Variants in BIN1 observed in about 807,000 individuals in gnomAD.
BIN1 encodes the protein myc box-dependent-interacting protein 1.
BIN1 carries 53 observed loss-of-function variants against 82.0 expected under a neutral mutation model. The observed-to-expected ratio is 0.65, with a 90% CI of 0.52 to 0.81. The LOEUF (loss-of-function observed/expected upper bound fraction) is 0.81, where lower values mean the gene tolerates loss of function less well. Ranked by LOEUF, BIN1 falls within the 40% of genes least tolerant of loss-of-function variation. The probability of loss-of-function intolerance (pLI) is 0.00; values close to 1 mark genes in which losing one functional copy is unlikely to be tolerated. For missense variants in BIN1, 642 were observed against 784.4 expected, an observed-to-expected ratio of 0.82 and a Z score of 2.17; for synonymous variants, 302 against 328.0, an observed-to-expected ratio of 0.92 and a Z score of 0.86.
At chr2:127,063,685 C>T (rs1684794665) in intron 8 of BIN1, 39 bp from the exon 9 acceptor site, 4 of 1,598,000 alleles carry the variant, frequency 2.5e-6, no homozygotes, top group African/African-American at 2.7e-5. Flanking sequence ...GGTGAACAGG[C>T]AGGTCAGGAC....
rs543319192 is a variant in BIN1 at position 127,068,726 on chromosome 2, G to A, written c.519+198C>T. On this transcript the variant is annotated intron_variant, in intron 6 of 18. Transcript: ENST00000316724. This position sits in a 1 kb window ranked among gnomAD's most constrained non-coding sequence, Gnocchi z 4.9. ...CTGAGGGGCCAGGGTGGCACGGGGG[G>A]CAGGAATGGGCCTAGGGTGGACCTC... 9.3e-4 allele frequency among the ~76,000 whole-genome samples: 141 copies of A among 152,306 alleles called. No individual in the cohort carries two copies. Among genetic ancestry groups the A allele is most frequent in the African/African-American group, 3.2e-3 (133 of 41,572 alleles).
chr2:127,101,529 T>A (rs959596616), intron 1 of BIN1, among the ~76,000 whole-genome samples: 3 of 152,090 alleles, frequency 2.0e-5, no homozygotes, highest in Non-Finnish European at 4.4e-5. Flanking sequence ...TTCTTCACCA[T>A]CTCCCCTGGT....
intron 7 of BIN1, 104 bp from the exon 8 acceptor site, chr2:127,064,122 G>A: frequency 7.4e-7 from 1 of 1,353,568 alleles, no homozygotes; most frequent in South Asian, 1.2e-5. Flanking sequence ...CCAGTGCGCT[G>A]GGACCAGGGC....
At chr2:127,063,149 G>C (rs752793329) in intron 9 of BIN1, among the ~76,000 whole-genome samples, 1 of 152,246 alleles carries the variant, frequency 6.6e-6, no homozygotes. Context: ...GATTCACGCA[G>C]ACGAAACAGG....
chr2:127,070,909 G>C, intron 2 of BIN1, 93 bp from the exon 3 acceptor site: 2 of 1,315,592 alleles, frequency 1.5e-6, no homozygotes, highest in Admixed American at 2.1e-5. Flanking sequence ...GAATGAACCA[G>C]GCTGCTCTCC....
intron 10 of BIN1, chr2:127,060,710 C>T (rs1684336754): frequency 6.3e-7 from 1 of 1,590,866 alleles, no homozygotes; most frequent in African/African-American, 1.3e-5. Context: ...GGCCTGTCCC[C>T]TTCCCTCTTT....
At chr2:127,099,758 C>A (rs184188779) in intron 1 of BIN1, among the ~76,000 whole-genome samples, 2 of 150,814 alleles carry the variant, frequency 1.3e-5, no homozygotes, top group African/African-American at 4.9e-5. Context: ...GTGATCCGCC[C>A]GCCTCGGCCT....
rs1249326519 is a variant in BIN1 at position 127,090,493 on chromosome 2, G to A, written c.85-13787C>T. On this transcript the variant is annotated intron_variant, in intron 1 of 18. Transcript: ENST00000316724. This position sits in a 1 kb window ranked among gnomAD's most constrained non-coding sequence, Gnocchi z 6.4. ...ACCCCACCCTTGGCCCCAGCCCTCC[G>A]CCCATCTGTCCCTCCACACAAGTGC... Among the ~76,000 whole-genome samples the A allele has an allele frequency of 3.3e-5, 5 of 152,208 alleles. No individual in the cohort carries two copies. The highest frequency in any genetic ancestry group is 2.0e-4 in the Admixed American group (3 of 15,280).
Position 127,052,366 on chromosome 2 carries a change from G to A in BIN1, c.1264-4C>T. On this transcript the variant is annotated splice_region_variant and splice_polypyrimidine_tract_variant and intron_variant, in intron 14 of 18. Coordinates refer to ENST00000316724, the MANE Select transcript of BIN1 (RefSeq NM_139343.3). Reference sequence around the variant, plus strand: ...TGCCGGCTGGACTCTCTGTGGGCTGGTAACAGGCCACGAGGAGAGAACAGG... The same window carrying A: ...TGCCGGCTGGACTCTCTGTGGGCTGATAACAGGCCACGAGGAGAGAACAGG... The A allele has an allele frequency of 3.2e-6, 5 of 1,572,182 alleles. No homozygotes were observed. The highest frequency in any genetic ancestry group is 1.2e-5 in the South Asian group (1 of 85,858).
At chr2:127,066,836 C>T (rs1422177299) in intron 7 of BIN1, among the ~76,000 whole-genome samples, 1 of 152,120 alleles carries the variant, frequency 6.6e-6, no homozygotes, top group East Asian at 1.9e-4. Flanking sequence ...TTTGGGAGGC[C>T]GAGGCAGGTG....
chr2:127,048,454 C>CA lies in BIN1; in HGVS notation c.*71dup, dbSNP rs1287047561. On this transcript the variant is annotated 3_prime_UTR_variant, in exon 19 of 19. Transcript: ENST00000316724. ...CAAAAGATGAAAAACGAAAACAAAA[C>CA]AAAAAAAAGAACCACACATTTTTCG... 5.9e-5 allele frequency: 85 copies of CA among 1,451,134 alleles called. No homozygotes were observed. The highest frequency in any genetic ancestry group is 6.8e-5 in the South Asian group (6 of 87,770). 89.9% of individuals were successfully genotyped at this position (1,451,134 alleles called of 1,614,324 possible). A position where few individuals can be genotyped will look rare whatever the true frequency, so the allele number is the denominator to read the frequency against.
rs1682763556 is a variant in BIN1, at chr2:127,050,433, G to A, written c.1662C>T (p.Asn554=). 6.2e-7 allele frequency: 1 copy of A among 1,614,156 alleles called. No individual in the cohort carries two copies. Among genetic ancestry groups the A allele is most frequent in the Admixed American group, 1.7e-5 (1 of 60,036 alleles). ...ACCCAGCCCTCACCTGCTCTTCAGGGTTCTGGAAGGGGATCACCAGCACCA... is the reference window on the plus strand; with the variant it reads ...ACCCAGCCCTCACCTGCTCTTCAGGATTCTGGAAGGGGATCACCAGCACCA... ...GDVVLVIPFQ[N]PEEQDEGWLM... The change falls in exon 18 of 19, where the codon AAC becomes AAT. Residue 554 remains asparagine, a synonymous_variant. Coordinates refer to ENST00000316724, the MANE Select transcript of BIN1 (RefSeq NM_139343.3).
chr2:127,099,576 C>T (rs1407438385), intron 1 of BIN1, among the ~76,000 whole-genome samples: 8 of 152,056 alleles, frequency 5.3e-5, no homozygotes, highest in African/African-American at 1.7e-4. Context: ...TGCAGTGACA[C>T]GATCTGGGCT....
chr2:127,105,331 G>T (rs904711993), intron 1 of BIN1, among the ~76,000 whole-genome samples: 1 of 152,048 alleles, frequency 6.6e-6, no homozygotes, highest in African/African-American at 2.4e-5. Flanking sequence ...GCCCAGGGCT[G>T]CCTGCTCCAG....
rs912724706 is a variant in BIN1, at chr2:127,093,659, A to G, written c.84+13201T>C. ...ACAGACAGTTCTCTCTGGTCCTTGC[A>G]TCTTCATCGTTGAAGGCTCCCGTGT... is the stretch of plus-strand genomic sequence containing the variant. On this transcript the variant is annotated intron_variant, in intron 1 of 18. Transcript: ENST00000316724. The surrounding 1 kb of genome is among the most constrained non-coding windows in gnomAD (Gnocchi z 5.7). 6.6e-6 allele frequency among the ~76,000 whole-genome samples: 1 copy of G among 152,196 alleles called. No homozygotes were observed. The highest frequency in any genetic ancestry group is 1.5e-5 in the Non-Finnish European group (1 of 68,038).
At chr2:127,050,623 AC>A in intron 17 of BIN1, 101 bp from the exon 18 acceptor site, 2 of 1,411,078 alleles carry the variant, frequency 1.4e-6, no homozygotes, top group Non-Finnish European at 2.0e-6. Flanking sequence ...CAGTATGGAG[AC>A]CAGGAGTGCT....
At chr2:127,074,018 C>T (rs529531454) in intron 2 of BIN1, among the ~76,000 whole-genome samples, 1 of 152,208 alleles carries the variant, frequency 6.6e-6, no homozygotes, top group African/African-American at 2.4e-5. Context: ...GGCTGATCTA[C>T]ACCCTCTCCT....
chr2:127,093,891 C>T lies in BIN1; in HGVS notation c.84+12969G>A, dbSNP rs528557429. Among the ~76,000 whole-genome samples the T allele has an allele frequency of 6.6e-6, 1 of 152,334 alleles. No individual in the cohort carries two copies. The highest frequency in any genetic ancestry group is 2.1e-4 in the South Asian group (1 of 4,826). On this transcript the variant is annotated intron_variant, in intron 1 of 18. Coordinates refer to ENST00000316724, the MANE Select transcript of BIN1 (RefSeq NM_139343.3). This position sits in a 1 kb window ranked among gnomAD's most constrained non-coding sequence, Gnocchi z 5.7. ...CTGGATCCTGAGCTAGGCCTGGACT[C>T]CCTGGACTCCTCCAGTGCTGGGGGC...
At chr2:127,072,483 G>C (rs1007767456) in intron 2 of BIN1, among the ~76,000 whole-genome samples, 1 of 152,178 alleles carries the variant, frequency 6.6e-6, no homozygotes, top group African/African-American at 2.4e-5. Flanking sequence ...GGTGTTTTGT[G>C]GGTAATGGGT....
Sources: gnomAD v4.1 joint callset for allele counts (sites outside exome capture counted in the v4.1 genomes callset) on GRCh38, gnomAD v4.1.1 for gene constraint, Gnocchi (gnomAD v3.1) non-coding constraint, MANE v1.5 for transcripts, NCBI Gene and HGNC (gene_info 2026-07-23, HGNC 2026-07-21) for gene names.